The following B3GNT2 variants were observed in gnomAD, a reference collection of about 807,000 sequenced individuals.
B3GNT2 encodes UDP-GlcNAc:betaGal beta-1,3-N-acetylglucosaminyltransferase 2.
B3GNT2 carries 12 observed loss-of-function variants against 27.6 expected under a neutral mutation model. That is an observed-to-expected ratio of 0.44 (90% CI 0.28 to 0.71). The LOEUF is 0.71. B3GNT2 is among the 30% of genes least tolerant of loss of function. The probability of loss-of-function intolerance (pLI) is 0.17; values close to 1 mark genes in which losing one functional copy is unlikely to be tolerated. For missense variants in B3GNT2, 413 were observed against 488.5 expected, an observed-to-expected ratio of 0.85 and a Z score of 1.46; for synonymous variants, 192 against 189.7, an observed-to-expected ratio of 1.01 and a Z score of -0.10.
chr2:62,217,771 C>A (rs1318519683), intron 1 of B3GNT2, among the ~76,000 whole-genome samples: 1 of 152,220 alleles, frequency 6.6e-6, no homozygotes, highest in Non-Finnish European at 1.5e-5. Flanking sequence ...CCTGAATAAA[C>A]CCACTTTGTT....
At chr2:62,203,464 T>A (rs1291573754) in intron 1 of B3GNT2, among the ~76,000 whole-genome samples, 1 of 152,042 alleles carries the variant, frequency 6.6e-6, no homozygotes, top group African/African-American at 2.4e-5. Flanking sequence ...GTCCATTTTG[T>A]GGGATGGGGC....
intron 1 of B3GNT2, among the ~76,000 whole-genome samples, chr2:62,220,968 C>G (rs1674679803): frequency 6.6e-6 from 1 of 152,160 alleles, no homozygotes; most frequent in Non-Finnish European, 1.5e-5. Flanking sequence ...ATTTGTATTT[C>G]CCTTTTTGCT....
At chr2:62,202,904 C>T (rs879472509) in intron 1 of B3GNT2, among the ~76,000 whole-genome samples, 7 of 152,146 alleles carry the variant, frequency 4.6e-5, no homozygotes, top group Non-Finnish European at 7.4e-5. Context: ...GCACAAGGCC[C>T]CCAGCTTTCC....
chr2:62,204,290 T>G (rs960672767), intron 1 of B3GNT2, among the ~76,000 whole-genome samples: 1 of 103,730 alleles, frequency 9.6e-6, no homozygotes, highest in Non-Finnish European at 2.1e-5. Flanking sequence ...CCTCCCAAAG[T>G]GCCTGGTAGA....
At chr2:62,212,444 A>G (rs1573265501) in intron 1 of B3GNT2, among the ~76,000 whole-genome samples, 1 of 152,018 alleles carries the variant, frequency 6.6e-6, no homozygotes, top group East Asian at 1.9e-4. Flanking sequence ...TCCTCAGCAC[A>G]ACCCTAAGCT....
chr2:62,209,137 A>G lies in B3GNT2; in HGVS notation c.-10+12782A>G, dbSNP rs547565473. Among the ~76,000 whole-genome samples, 34 of 152,258 alleles carry G rather than the reference A, an allele frequency of 2.2e-4. 1 individual carries two copies. The highest frequency in any genetic ancestry group is 7.9e-4 in the African/African-American group (33 of 41,548). On this transcript the variant is annotated intron_variant, in intron 1 of 1. Transcript: ENST00000301998. ...GCTGGGATTACAGACATGAGCCACC[A>G]TACCCGGCTAATTTCGGGCCATTGG...
chr2:62,210,294 C>T (rs1224656524), intron 1 of B3GNT2, among the ~76,000 whole-genome samples: 1 of 152,160 alleles, frequency 6.6e-6, no homozygotes, highest in African/African-American at 2.4e-5. Context: ...GGGATTAGCT[C>T]TGTGACCTCA....
At chr2:62,203,368 T>C (rs1674307649) in intron 1 of B3GNT2, among the ~76,000 whole-genome samples, 1 of 151,968 alleles carries the variant, frequency 6.6e-6, no homozygotes, top group East Asian at 1.9e-4. Context: ...ATACGGGATA[T>C]GGGAGTCTGT....
chr2:62,205,556 C>T (rs1007170851), intron 1 of B3GNT2, among the ~76,000 whole-genome samples: 10 of 152,130 alleles, frequency 6.6e-5, no homozygotes, highest in East Asian at 3.8e-4. Context: ...GGAGAAGAGG[C>T]GGGACAGGAA....
At chr2:62,209,323 G>A (rs1352776707) in intron 1 of B3GNT2, among the ~76,000 whole-genome samples, 2 of 152,112 alleles carry the variant, frequency 1.3e-5, no homozygotes, top group South Asian at 2.1e-4. Context: ...CTTGGGCAAG[G>A]CTCTGTCTCC....
At chr2:62,210,754 G>A (rs949386209) in intron 1 of B3GNT2, among the ~76,000 whole-genome samples, 3 of 150,214 alleles carry the variant, frequency 2.0e-5, no homozygotes, top group African/African-American at 7.4e-5. Context: ...GGATGACAGA[G>A]CAAGACTCCA....
At chr2:62,202,751 C>G (rs967343201) in intron 1 of B3GNT2, among the ~76,000 whole-genome samples, 2 of 152,178 alleles carry the variant, frequency 1.3e-5, no homozygotes, top group Non-Finnish European at 2.9e-5. Context: ...ACTGAAATGA[C>G]TTGAGGTTAC....
At chr2:62,213,137 C>A (rs911384354) in intron 1 of B3GNT2, among the ~76,000 whole-genome samples, 5 of 152,136 alleles carry the variant, frequency 3.3e-5, no homozygotes, top group Non-Finnish European at 5.9e-5. Flanking sequence ...ATGAGGAGAC[C>A]TCGTCTCTAC....
chr2:62,201,502 G>A (rs909335305), intron 1 of B3GNT2, among the ~76,000 whole-genome samples: 4 of 152,196 alleles, frequency 2.6e-5, no homozygotes, highest in African/African-American at 9.7e-5. Context: ...TTAATTGCTT[G>A]CTTCAGACAA....
intron 1 of B3GNT2, among the ~76,000 whole-genome samples, chr2:62,216,123 A>G (rs764879198): frequency 1.3e-5 from 2 of 152,092 alleles, no homozygotes; most frequent in African/African-American, 2.4e-5. Context: ...GGCCACATTC[A>G]AATGTTTTCT....
At position 62,222,687 on chromosome 2, in the gene B3GNT2, C is replaced by T. The variant is rs747217983; in HGVS notation, c.467C>T (p.Ala156Val). The change falls in exon 2 of 2, where the codon GCC (alanine) becomes GTC (valine). Residue 156 changes from alanine to valine, a missense_variant. By Grantham distance (64) the Ala-to-Val change is moderately conservative (BLOSUM62 0). Coordinates refer to ENST00000301998, the MANE Select transcript of B3GNT2 (RefSeq NM_006577.6). This position sits in a 1 kb window ranked among gnomAD's most constrained non-coding sequence, Gnocchi z 4.2. ...LAIKSLTPHF[A>V]RRQAIRESWG... ...ATTAAGTCCCTCACTCCACATTTTGCCAGAAGGCAAGCAATCCGGGAATCC... is the reference window on the plus strand; with the variant it reads ...ATTAAGTCCCTCACTCCACATTTTGTCAGAAGGCAAGCAATCCGGGAATCC... 3.7e-6 allele frequency: 6 copies of T among 1,614,192 alleles called. No homozygotes were observed. The highest frequency in any genetic ancestry group is 3.4e-6 in the Non-Finnish European group (4 of 1,180,030).
At chr2:62,197,050 T>A (rs576152162) in intron 1 of B3GNT2, among the ~76,000 whole-genome samples, 3 of 150,520 alleles carry the variant, frequency 2.0e-5, no homozygotes, top group Non-Finnish European at 3.0e-5. Flanking sequence ...TATTCCACAC[T>A]GTTTGCGTTG....
intron 1 of B3GNT2, among the ~76,000 whole-genome samples, chr2:62,218,671 T>C (rs1231423534): frequency 6.6e-6 from 1 of 152,222 alleles, no homozygotes; most frequent in Admixed American, 6.5e-5. Flanking sequence ...AAGGTGGTCT[T>C]GTCTAAGCCT....
At chr2:62,206,014 C>T in intron 1 of B3GNT2, 1 of 154,402 alleles carries the variant, frequency 6.5e-6, no homozygotes, top group Middle Eastern at 5.2e-4. Flanking sequence ...GGATTTGAAC[C>T]TGGGCCTTCA....
Sources: gnomAD v4.1 joint callset for allele counts (sites outside exome capture counted in the v4.1 genomes callset) on GRCh38, gnomAD v4.1.1 for gene constraint, Gnocchi (gnomAD v3.1) non-coding constraint, MANE v1.5 for transcripts, NCBI Gene and HGNC (gene_info 2026-07-23, HGNC 2026-07-21) for gene names.